MGMT: variants seen among roughly 807,000 people sequenced by gnomAD.
MGMT encodes methylated-DNA--protein-cysteine methyltransferase.
Under a neutral mutation model 15.9 loss-of-function variants are expected in MGMT, and 14 were observed. The observed-to-expected ratio is 0.88, with a 90% confidence interval of 0.58 to 1.37. The LOEUF is 1.37. MGMT is among the 40% of genes most tolerant of loss of function. The pLI is 0.00. For missense variants in MGMT, 282 were observed against 268.1 expected (o/e 1.05, Z -0.36); for synonymous variants, 130 against 118.2 (o/e 1.10, Z -0.65).
At chr10:129,545,567 G>C (rs1160036673) in intron 2 of MGMT, among the ~76,000 whole-genome samples, 1 of 152,168 alleles carries the variant, frequency 6.6e-6, no homozygotes, top group Non-Finnish European at 1.5e-5. Flanking sequence ...AAAAATGGTG[G>C]TGGCAGTTAC....
intron 2 of MGMT, among the ~76,000 whole-genome samples, chr10:129,638,911 CTGGCA>C (rs1253914036): frequency 3.9e-5 from 6 of 152,110 alleles, no homozygotes; most frequent in African/African-American, 1.2e-4. Context: ...CCAAAGAAAA[CTGGCA>C]TAGCTATAAT....
At chr10:129,472,964 G>A (rs1350788755) in intron 1 of MGMT, among the ~76,000 whole-genome samples, 4 of 152,224 alleles carry the variant, frequency 2.6e-5, no homozygotes, top group Non-Finnish European at 5.9e-5. Context: ...CATTCTCGAC[G>A]TGGCAGCATT....
intron 2 of MGMT, among the ~76,000 whole-genome samples, chr10:129,653,982 C>T (rs1847494609): frequency 6.6e-6 from 1 of 152,202 alleles, no homozygotes. Flanking sequence ...CTCAGAGACC[C>T]CTGCTTGGAG....
chr10:129,633,776 A>C (rs1188283751), intron 2 of MGMT, among the ~76,000 whole-genome samples: 1 of 152,150 alleles, frequency 6.6e-6, no homozygotes, highest in African/African-American at 2.4e-5. Flanking sequence ...AACGACAAAT[A>C]TTTTCAAATG....
intron 1 of MGMT, among the ~76,000 whole-genome samples, chr10:129,482,964 T>C (rs147967434): frequency 6.0e-4 from 92 of 152,310 alleles, no homozygotes; most frequent in Non-Finnish European, 9.9e-4. Context: ...ATTTGTTCTT[T>C]TTGCCCTTCC....
chr10:129,567,458 G>T (rs1276968488), intron 2 of MGMT, among the ~76,000 whole-genome samples: 1 of 152,072 alleles, frequency 6.6e-6, no homozygotes, highest in Non-Finnish European at 1.5e-5. Context: ...CCCTGGGAGG[G>T]GTCCCGGCGA....
In MGMT at chr10:129,532,941, A is replaced by G. The variant is rs1347563293; in HGVS notation, c.-12-3300A>G. ...GATGTGGGCAAACCCTTCCTCTCCC[A>G]GGCCGTCCCTTCCTGCAGCTGCTCG... On this transcript the variant is annotated intron_variant, in intron 1 of 4. Transcript: ENST00000651593. The surrounding 1 kb of genome is among the most constrained non-coding windows in gnomAD (Gnocchi z 5.3). Among the ~76,000 whole-genome samples, 2 of 152,186 alleles carry G rather than the reference A, an allele frequency of 1.3e-5. No homozygotes were observed. The highest frequency in any genetic ancestry group is 2.9e-5 in the Non-Finnish European group (2 of 68,032).
At chr10:129,606,491 G>A (rs1846892459) in intron 2 of MGMT, among the ~76,000 whole-genome samples, 1 of 152,164 alleles carries the variant, frequency 6.6e-6, no homozygotes, top group Non-Finnish European at 1.5e-5. Flanking sequence ...CATGCTGTGG[G>A]CACCGAGGGC....
intron 2 of MGMT, among the ~76,000 whole-genome samples, chr10:129,679,919 T>C (rs1334898086): frequency 6.6e-6 from 1 of 152,184 alleles, no homozygotes; most frequent in Non-Finnish European, 1.5e-5. Flanking sequence ...TAAAAGGAAT[T>C]TTTCCAAAAT....
chr10:129,763,017 G>C (rs1357697837), intron 4 of MGMT, among the ~76,000 whole-genome samples: 1 of 151,992 alleles, frequency 6.6e-6, no homozygotes, highest in Non-Finnish European at 1.5e-5. Context: ...ATATTCAGCC[G>C]GTACCAGAAT....
At chr10:129,504,264 C>T (rs1476135799) in intron 1 of MGMT, among the ~76,000 whole-genome samples, 1 of 152,186 alleles carries the variant, frequency 6.6e-6, no homozygotes, top group Non-Finnish European at 1.5e-5. Context: ...ATTGGACATT[C>T]ATCATCTGGT....
intron 2 of MGMT, among the ~76,000 whole-genome samples, chr10:129,610,268 A>G (rs935146704): frequency 6.6e-6 from 1 of 152,210 alleles, no homozygotes; most frequent in African/African-American, 2.4e-5. Flanking sequence ...CTGTCATTGT[A>G]TTAATGGCAA....
intron 3 of MGMT, among the ~76,000 whole-genome samples, chr10:129,736,684 G>C (rs1589967026): frequency 6.6e-6 from 1 of 152,124 alleles, no homozygotes; most frequent in Non-Finnish European, 1.5e-5. Context: ...GCATGATTTT[G>C]CAGCGGCTGG....
Position 129,528,868 on chromosome 10 carries a change from C to T in MGMT, c.-12-7373C>T, listed in dbSNP as rs536171935. Among the ~76,000 whole-genome samples, 12 of 152,308 alleles carry T rather than the reference C, an allele frequency of 7.9e-5. No individual in the cohort carries two copies. In the East Asian group the frequency reaches 2.1e-3, roughly 27 times the overall value. On this transcript the variant is annotated intron_variant, in intron 1 of 4. Transcript: ENST00000651593. Reference sequence around the variant, plus strand: ...TATGAAAACAAGAACTCTCTGCAGGCTTCTCCTCGCTCTTTGGCTACAGTT... The same window carrying T: ...TATGAAAACAAGAACTCTCTGCAGGTTTCTCCTCGCTCTTTGGCTACAGTT...
At chr10:129,610,425 C>A (rs1017211571) in intron 2 of MGMT, among the ~76,000 whole-genome samples, 6 of 152,224 alleles carry the variant, frequency 3.9e-5, no homozygotes, top group African/African-American at 1.4e-4. Context: ...CAAGTATGCC[C>A]CACCCCAGGG....
intron 3 of MGMT, among the ~76,000 whole-genome samples, chr10:129,708,751 C>T (rs1383579741): frequency 6.6e-6 from 1 of 152,076 alleles, no homozygotes; most frequent in Non-Finnish European, 1.5e-5. Flanking sequence ...TATAAATGAA[C>T]ATATATTCAT....
At chr10:129,651,980 T>A (rs1589916107) in intron 2 of MGMT, among the ~76,000 whole-genome samples, 4 of 152,216 alleles carry the variant, frequency 2.6e-5, no homozygotes, top group African/African-American at 9.7e-5. Flanking sequence ...TGTTCAGCGT[T>A]GGCCAGGATC....
At position 129,748,380 on chromosome 10, in the gene MGMT, C is replaced by T. The variant is rs568172602; in HGVS notation, c.275-10822C>T. ...CTGTGTCCCTTTGTCGTACTCTCCT[C>T]ATCGTGGTTTGACTGGAATGTTTGT... is the stretch of plus-strand genomic sequence containing the variant. On this transcript the variant is annotated intron_variant, in intron 3 of 4. Transcript: ENST00000651593. Among the ~76,000 whole-genome samples, 6 of 152,292 alleles carry T rather than the reference C, an allele frequency of 3.9e-5. No individual in the cohort carries two copies. The East Asian group carries it at 1.2e-3, about 29-fold the overall frequency.
chr10:129,756,642 T>C (rs1463762833), intron 3 of MGMT, among the ~76,000 whole-genome samples: 2 of 152,114 alleles, frequency 1.3e-5, no homozygotes, highest in African/African-American at 2.4e-5. Context: ...GCTAATTTTT[T>C]TATTTTTAGT....
Sources: gnomAD v4.1 joint callset for allele counts (sites outside exome capture counted in the v4.1 genomes callset) on GRCh38, gnomAD v4.1.1 for gene constraint, Gnocchi (gnomAD v3.1) non-coding constraint, MANE v1.5 for transcripts, NCBI Gene and HGNC (gene_info 2026-07-23, HGNC 2026-07-21) for gene names.